Variants in BCKDHB observed in about 807,000 individuals in gnomAD.
BCKDHB encodes branched chain keto acid dehydrogenase E1 subunit beta, also known as 2-oxoisovalerate dehydrogenase subunit beta, mitochondrial.
BCKDHB carries 41 observed loss-of-function variants against 48.5 expected under a neutral mutation model. The ratio of observed to expected loss-of-function variants is 0.85; its 90% CI spans 0.66 to 1.10. The LOEUF is 1.10. Among genes scored for constraint, BCKDHB ranks in the 50% least tolerant of loss-of-function variants. BCKDHB has a pLI of 0.00. For missense variants in BCKDHB, 496 were observed against 494.2 expected (o/e 1.00, Z -0.03); for synonymous variants, 201 against 174.8 (o/e 1.15, Z -1.18).
Position 80,275,796 on chromosome 6 carries a change from C to T in BCKDHB, c.1038+2575C>T, listed in dbSNP as rs148835373. 1.7e-4 allele frequency among the ~76,000 whole-genome samples: 26 copies of T among 152,002 alleles called. 1 individual carries two copies. In the East Asian group the frequency reaches 3.1e-3, roughly 18 times the overall value. On this transcript the variant is annotated intron_variant, in intron 9 of 9. Coordinates refer to ENST00000320393, the MANE Select transcript of BCKDHB (RefSeq NM_183050.4). The stretch of plus-strand genomic sequence containing the variant: ...TGCAATATCCTGTATTGAGCTTCCT[C>T]TCTATGGAAAGCCTTGTTCCATATT...
the BCKDHB span, among the ~76,000 whole-genome samples, chr6:80,370,046 G>T: frequency 1.3e-5 from 2 of 152,092 alleles, no homozygotes; most frequent in Non-Finnish European, 2.9e-5. Flanking sequence ...TAGTATATTA[G>T]TCAAGGAAGA....
intron 8 of BCKDHB, among the ~76,000 whole-genome samples, chr6:80,227,970 T>C (rs910646505): frequency 6.6e-6 from 1 of 152,132 alleles, no homozygotes; most frequent in African/African-American, 2.4e-5. Flanking sequence ...CCACCATATG[T>C]GGTGATTAGG....
At chr6:80,137,291 C>T (rs994517072) in intron 3 of BCKDHB, among the ~76,000 whole-genome samples, 5 of 152,120 alleles carry the variant, frequency 3.3e-5, no homozygotes, top group African/African-American at 1.2e-4. Context: ...TTTACTTTCT[C>T]TAATTTATAA....
intron 8 of BCKDHB, among the ~76,000 whole-genome samples, chr6:80,230,317 C>T (rs560223919): frequency 7.4e-4 from 113 of 151,982 alleles, no homozygotes; most frequent in Non-Finnish European, 1.3e-3. Flanking sequence ...GGATTACAGG[C>T]GTGAGCCACC....
At chr6:80,457,432 C>A in the BCKDHB span, among the ~76,000 whole-genome samples, 1 of 152,178 alleles carries the variant, frequency 6.6e-6, no homozygotes, top group Non-Finnish European at 1.5e-5. Context: ...CTCTGCAAAT[C>A]CTGACCCTGC....
chr6:80,110,012 C>T (rs1043843156), intron 1 of BCKDHB, among the ~76,000 whole-genome samples: 2 of 152,196 alleles, frequency 1.3e-5, no homozygotes, highest in African/African-American at 4.8e-5. Context: ...TAACTTTCTG[C>T]TTTTCACATG....
chr6:80,433,740 C>T, the BCKDHB span, among the ~76,000 whole-genome samples: 6 of 152,058 alleles, frequency 3.9e-5, no homozygotes, highest in East Asian at 1.9e-4. Context: ...GAAGCTAGTT[C>T]GATGTCTGTC....
the BCKDHB span, among the ~76,000 whole-genome samples, chr6:80,399,725 C>T: frequency 1.3e-5 from 2 of 152,092 alleles, no homozygotes; most frequent in African/African-American, 4.8e-5. Context: ...TGACAGTCTT[C>T]ACAGAACCAG....
At chr6:80,215,094 A>T (rs565427472) in intron 8 of BCKDHB, among the ~76,000 whole-genome samples, 8 of 152,350 alleles carry the variant, frequency 5.3e-5, no homozygotes, top group Admixed American at 5.2e-4. Flanking sequence ...CTAAGAAATG[A>T]TTCAAAGATC....
chr6:80,231,294 T>G (rs545220667), intron 8 of BCKDHB, among the ~76,000 whole-genome samples: 1 of 152,268 alleles, frequency 6.6e-6, no homozygotes, highest in South Asian at 2.1e-4. Context: ...TGAAGCAAAG[T>G]TTTTAAACAA....
chr6:80,125,373 C>T (rs917966152), intron 1 of BCKDHB, among the ~76,000 whole-genome samples: 5 of 152,166 alleles, frequency 3.3e-5, no homozygotes, highest in Non-Finnish European at 7.4e-5. Flanking sequence ...AAATTTTCTT[C>T]ATATCAGCAA....
At chr6:80,425,319 T>C in the BCKDHB span, among the ~76,000 whole-genome samples, 1 of 152,210 alleles carries the variant, frequency 6.6e-6, no homozygotes, top group African/African-American at 2.4e-5. Context: ...TGGTTAAGTA[T>C]GAATTGTGCA....
chr6:80,368,335 T>C, the BCKDHB span, among the ~76,000 whole-genome samples: 1 of 152,220 alleles, frequency 6.6e-6, no homozygotes, highest in African/African-American at 2.4e-5. Context: ...CACATGGTAG[T>C]TGCTCAATAT....
At chr6:80,129,863 C>G (rs1476213899) in intron 3 of BCKDHB, among the ~76,000 whole-genome samples, 1 of 152,158 alleles carries the variant, frequency 6.6e-6, no homozygotes, top group Non-Finnish European at 1.5e-5. Flanking sequence ...TATTCAAAAT[C>G]TACTGATTTA....
the BCKDHB span, among the ~76,000 whole-genome samples, chr6:80,438,715 A>T: frequency 6.6e-6 from 1 of 152,326 alleles, no homozygotes; most frequent in South Asian, 2.1e-4. Context: ...TGCTACTGAA[A>T]ATTTAAAAGC....
chr6:80,441,787 A>G, the BCKDHB span, among the ~76,000 whole-genome samples: 1 of 152,186 alleles, frequency 6.6e-6, no homozygotes, highest in Non-Finnish European at 1.5e-5. Context: ...CAAAAAATAT[A>G]TACCAAATAG....
chr6:80,115,385 A>G (rs1055825624), intron 1 of BCKDHB, among the ~76,000 whole-genome samples: 3 of 152,142 alleles, frequency 2.0e-5, no homozygotes, highest in African/African-American at 7.2e-5. Flanking sequence ...TATGAAGTAG[A>G]TGCTGGCTAA....
chr6:80,427,425 G>A, the BCKDHB span, among the ~76,000 whole-genome samples: 5 of 151,850 alleles, frequency 3.3e-5, no homozygotes, highest in East Asian at 1.9e-4. Context: ...TTACTTGTAC[G>A]TGTTATAAAC....
chr6:80,406,739 G>T, the BCKDHB span, among the ~76,000 whole-genome samples: 1 of 152,142 alleles, frequency 6.6e-6, no homozygotes, highest in Non-Finnish European at 1.5e-5. Context: ...TAAGTTCTTT[G>T]TAGATTCTGG....
Sources: allele counts gnomAD v4.1 joint callset (sites outside exome capture counted in the v4.1 genomes callset), GRCh38; gene constraint gnomAD v4.1.1; transcripts MANE v1.5; gene names NCBI Gene and HGNC (gene_info 2026-07-23, HGNC 2026-07-21).